INTS7: variants seen among roughly 807,000 people sequenced by gnomAD.
INTS7 encodes the protein chromosome 1 open reading frame 73.
Under a neutral mutation model 109.2 loss-of-function variants are expected in INTS7, and 46 were observed. The observed-to-expected ratio is 0.42, with a 90% confidence interval of 0.33 to 0.54. The LOEUF (loss-of-function observed/expected upper bound fraction) is 0.54. Among genes scored for constraint, INTS7 ranks in the 20% least tolerant of loss-of-function variants. INTS7 has a pLI of 0.07. For synonymous variants in INTS7, 412 were observed against 402.9 expected (o/e 1.02, Z -0.27); for missense variants, 929 against 1,132.4 (o/e 0.82, Z 2.58).
At chr1:212,020,082 C>G (rs774161377) in intron 3 of INTS7, 40 bp downstream of exon 3, 1 of 1,342,000 alleles carries the variant, frequency 7.5e-7, no homozygotes, top group Non-Finnish European at 1.0e-6. Context: ...AATTACAGTT[C>G]AAATAATCTC....
At chr1:211,951,316 G>T (rs898652707) in intron 17 of INTS7, among the ~76,000 whole-genome samples, 1 of 151,056 alleles carries the variant, frequency 6.6e-6, no homozygotes, top group Non-Finnish European at 1.5e-5. Flanking sequence ...TGTTTGGTTG[G>T]TTTTTTTTTG....
chr1:211,941,727 T>A lies in INTS7; in HGVS notation c.*97A>T, dbSNP rs17018244. The A allele has an allele frequency of 6.8e-7, 1 of 1,475,982 alleles. No homozygotes were observed. The highest frequency in any genetic ancestry group is 9.1e-7 in the Non-Finnish European group (1 of 1,097,688). The allele number at this position is 1,475,982 out of a possible 1,614,324, so 91.4% of individuals were successfully genotyped here. ...TACAAAAATCAATGAATAAATGAAC[T>A]ACACTGTAACTTTAATACTTATTCC... On this transcript the variant is annotated 3_prime_UTR_variant, in exon 20 of 20. Transcript: ENST00000366994.
intron 7 of INTS7, among the ~76,000 whole-genome samples, chr1:212,000,376 T>G (rs770443961): frequency 2.6e-5 from 4 of 152,168 alleles, no homozygotes; most frequent in Non-Finnish European, 5.9e-5. Context: ...TCAGATAAAT[T>G]TGTGGTACTT....
In INTS7 at chr1:211,940,709, C is replaced by G. The variant is rs1418492165; in HGVS notation, c.*1115G>C. 6.6e-6 allele frequency: 1 copy of G among 152,148 alleles called. No individual in the cohort carries two copies. The highest frequency in any genetic ancestry group is 6.5e-5 in the Admixed American group (1 of 15,270). 9.4% of individuals were successfully genotyped at this position (152,148 alleles called of 1,614,324 possible). ...TCCCTGAGCATCCCAACAAACTGAGCCTGTGTAATAAAGAGACTGCTCTCT... is the reference window on the plus strand; with the variant it reads ...TCCCTGAGCATCCCAACAAACTGAGGCTGTGTAATAAAGAGACTGCTCTCT... On this transcript the variant is annotated 3_prime_UTR_variant, in exon 20 of 20. Coordinates refer to ENST00000366994, the MANE Select transcript of INTS7 (RefSeq NM_015434.4).
At chr1:211,975,400 G>A (rs1380914011) in intron 12 of INTS7, 28 bp from the exon 13 acceptor site, 3 of 1,550,664 alleles carry the variant, frequency 1.9e-6, no homozygotes, top group Non-Finnish European at 1.8e-6. Context: ...AAAGAAAAAA[G>A]AATAGAAGGA....
chr1:211,965,735 G>A (rs1663844606), intron 16 of INTS7, among the ~76,000 whole-genome samples: 2 of 152,170 alleles, frequency 1.3e-5, no homozygotes, highest in South Asian at 4.1e-4. Context: ...AGAAGTGGGA[G>A]ATAAATGATA....
At chr1:211,949,450 A>C (rs1458626490) in intron 17 of INTS7, among the ~76,000 whole-genome samples, 1 of 152,212 alleles carries the variant, frequency 6.6e-6, no homozygotes, top group Non-Finnish European at 1.5e-5. Flanking sequence ...TTCAAGCTGG[A>C]AACCTGGAAG....
At chr1:211,975,608 A>C (rs1227491883) in intron 12 of INTS7, among the ~76,000 whole-genome samples, 2 of 152,220 alleles carry the variant, frequency 1.3e-5, no homozygotes, top group African/African-American at 4.8e-5. Context: ...AACAGTTCCG[A>C]AAGAGAAAAT....
At chr1:212,025,851 T>C (rs535239120) in intron 1 of INTS7, among the ~76,000 whole-genome samples, 1 of 151,694 alleles carries the variant, frequency 6.6e-6, no homozygotes, top group Non-Finnish European at 1.5e-5. Context: ...CCTTTGATTA[T>C]TCTTAAAAAA....
rs1484216372 is a variant in INTS7 at position 211,988,023 on chromosome 1, T to C, written c.880-20A>G. On this transcript the variant is annotated intron_variant, in intron 7 of 19. Transcript: ENST00000366994. ...AAGTGCCTGGAATGCAGAAGAGAAA[T>C]GAATATAGAAGTTAAAACATCAATA... 7.9e-7 allele frequency: 1 copy of C among 1,261,876 alleles called. No individual in the cohort carries two copies. Among genetic ancestry groups the C allele is most frequent in the Non-Finnish European group, 1.2e-6 (1 of 868,034 alleles). The allele number at this position is 1,261,876 out of a possible 1,614,324, so 78.2% of individuals were successfully genotyped here. A position where few individuals can be genotyped will look rare whatever the true frequency, so the allele number is the denominator to read the frequency against.
At chr1:211,985,915 T>C (rs1239382338) in intron 8 of INTS7, among the ~76,000 whole-genome samples, 3 of 152,226 alleles carry the variant, frequency 2.0e-5, no homozygotes, top group Non-Finnish European at 4.4e-5. Flanking sequence ...GGGTGATTTA[T>C]GCAGAAAAAG....
At chr1:212,028,317 C>A (rs1667016577) in intron 1 of INTS7, among the ~76,000 whole-genome samples, 2 of 152,220 alleles carry the variant, frequency 1.3e-5, no homozygotes. Flanking sequence ...TCACATAAAA[C>A]CCCAGGATCT....
rs118094993 is a variant in INTS7 at position 212,034,419 on chromosome 1, C to A, written c.94+925G>T. Among the ~76,000 whole-genome samples, 49 of 152,252 alleles carry A rather than the reference C, an allele frequency of 3.2e-4. 1 individual carries two copies. The East Asian group carries it at 9.1e-3, about 28-fold the overall frequency. ...TCAGAAAACTGGGAAGTGGCTCAAA[C>A]CCTTCTGAGTTCTAGTCCAGTTCTC... On this transcript the variant is annotated intron_variant, in intron 1 of 19. Coordinates refer to ENST00000366994, the MANE Select transcript of INTS7 (RefSeq NM_015434.4).
chr1:211,981,296 A>C (rs1664655599), intron 9 of INTS7, 106 bp from the exon 10 acceptor site: 2 of 611,042 alleles, frequency 3.3e-6, no homozygotes, highest in Admixed American at 3.1e-5. Context: ...AAGGAGTTTA[A>C]GATATAGGGA....
At chr1:211,985,340 T>C (rs890805997) in intron 8 of INTS7, among the ~76,000 whole-genome samples, 2 of 152,220 alleles carry the variant, frequency 1.3e-5, no homozygotes, top group African/African-American at 4.8e-5. Flanking sequence ...AATTTAAGTT[T>C]GCTTTTTAAA....
In INTS7 at chr1:211,943,897, G is replaced by A. The variant is rs575718091; in HGVS notation, c.2601+887C>T. Among the ~76,000 whole-genome samples the A allele has an allele frequency of 2.3e-4, 35 of 152,282 alleles. No homozygotes were observed. In the South Asian group the frequency reaches 7.3e-3, roughly 32 times the overall value. The stretch of plus-strand genomic sequence containing the variant: ...GACTTGGTCCCTTGCTTCATTTACT[G>A]TGGATAAACCACCAGGGAATCGGAA... On this transcript the variant is annotated intron_variant, in intron 19 of 19. Coordinates refer to ENST00000366994, the MANE Select transcript of INTS7 (RefSeq NM_015434.4).
At chr1:211,989,821 CAAAA>C (rs199523866) in intron 7 of INTS7, among the ~76,000 whole-genome samples, 1 of 68,116 alleles carries the variant, frequency 1.5e-5, no homozygotes. Context: ...GACTCCGTTT[CAAAA>C]AAAAAAAAAA....
intron 9 of INTS7, among the ~76,000 whole-genome samples, chr1:211,982,421 A>T (rs897961056): frequency 2.0e-5 from 3 of 152,150 alleles, no homozygotes; most frequent in Admixed American, 2.0e-4. Flanking sequence ...ATATATGCAA[A>T]GGTAAGCAGT....
At chr1:211,999,531 G>A (rs1257501461) in intron 7 of INTS7, among the ~76,000 whole-genome samples, 2 of 152,088 alleles carry the variant, frequency 1.3e-5, no homozygotes, top group African/African-American at 4.8e-5. Context: ...TGTGGTGGTG[G>A]TTTTGTACAT....
Sources: allele counts gnomAD v4.1 joint callset (sites outside exome capture counted in the v4.1 genomes callset), GRCh38; gene constraint gnomAD v4.1.1; transcripts MANE v1.5; gene names NCBI Gene and HGNC (gene_info 2026-07-23, HGNC 2026-07-21).